MARK1: variants seen among roughly 807,000 people sequenced by gnomAD.
The protein encoded by MARK1 is microtubule affinity regulating kinase 1, also known as serine/threonine-protein kinase MARK1.
Under a neutral mutation model 96.3 loss-of-function variants are expected in MARK1, and 40 were observed. The observed-to-expected ratio is 0.42, with a 90% CI of 0.32 to 0.54. The LOEUF (loss-of-function observed/expected upper bound fraction) is 0.54. Among genes scored for constraint, MARK1 ranks in the 20% least tolerant of loss-of-function variants. The pLI is 0.16. For synonymous variants in MARK1, 317 were observed against 341.2 expected, an observed-to-expected ratio of 0.93 and a Z score of 0.78; for missense variants, 719 against 984.6, an observed-to-expected ratio of 0.73 and a Z score of 3.61.
chr1:220,577,242 G>C (rs112786545), intron 1 of MARK1, among the ~76,000 whole-genome samples: 5 of 151,624 alleles, frequency 3.3e-5, no homozygotes, highest in African/African-American at 1.2e-4. Context: ...ACTCCAGCCT[G>C]GGTGACAGAT....
intron 1 of MARK1, among the ~76,000 whole-genome samples, chr1:220,542,222 T>C (rs553584101): frequency 9.8e-5 from 15 of 152,364 alleles, no homozygotes; most frequent in African/African-American, 3.4e-4. Context: ...TATTTTATGA[T>C]TTCATCTTCA....
rs2102675180 is a variant in MARK1, at chr1:220,528,623, G to A, written c.-200G>A. On this transcript the variant is annotated 5_prime_UTR_variant, in exon 1 of 18. Transcript: ENST00000366917. ...GCATACCCCGGCGGCGCCGCCGCGGGAAGCGGCTCCCCCTCCTCTTCCTCC... is the reference window on the plus strand; with the variant it reads ...GCATACCCCGGCGGCGCCGCCGCGGAAAGCGGCTCCCCCTCCTCTTCCTCC... 2.0e-6 allele frequency: 1 copy of A among 494,546 alleles called. No individual in the cohort carries two copies. Among genetic ancestry groups the A allele is most frequent in the African/African-American group, 2.1e-5 (1 of 48,746 alleles). 30.6% of individuals were successfully genotyped at this position (494,546 alleles called of 1,614,324 possible).
rs73101848 is a variant in MARK1 at position 220,529,333 on chromosome 1, C to T, written c.51+460C>T. 3.7e-3 allele frequency among the ~76,000 whole-genome samples: 567 copies of T among 152,310 alleles called. 5 individuals are homozygous for T. Among genetic ancestry groups the T allele is most frequent in the African/African-American group, 0.013 (536 of 41,566 alleles). On this transcript the variant is annotated intron_variant, in intron 1 of 17. Transcript: ENST00000366917. Reference sequence around the variant, plus strand: ...CTCCCCTCCTCCCCCCGCATTGCCCCATGACTTTGCTTTTTGTAACATTGT... The same window carrying T: ...CTCCCCTCCTCCCCCCGCATTGCCCTATGACTTTGCTTTTTGTAACATTGT...
intron 1 of MARK1, among the ~76,000 whole-genome samples, chr1:220,576,976 T>C (rs1311933082): frequency 6.6e-6 from 1 of 152,112 alleles, no homozygotes; most frequent in Admixed American, 6.6e-5. Context: ...GAAAGATGAA[T>C]GGCCAGATGC....
intron 16 of MARK1, 111 bp downstream of exon 16, chr1:220,653,463 A>G (rs1216911996): frequency 8.8e-7 from 1 of 1,139,742 alleles, no homozygotes; most frequent in African/African-American, 1.6e-5. Flanking sequence ...ATAACATTTC[A>G]TTAGAGCTGC....
At chr1:220,554,467 A>G (rs555029667) in intron 1 of MARK1, among the ~76,000 whole-genome samples, 20 of 152,290 alleles carry the variant, frequency 1.3e-4, no homozygotes, top group African/African-American at 4.6e-4. Context: ...ACTTCTTATA[A>G]TGTGTAGGAT....
At chr1:220,573,480 C>T (rs9431262) in intron 1 of MARK1, among the ~76,000 whole-genome samples, 28,161 of 151,964 alleles carry the variant, frequency 0.19, 3,318 homozygotes, top group East Asian at 0.36. Context: ...CCCGCCACCA[C>T]GCCTGGCTAA....
chr1:220,558,449 C>T (rs1049836691), intron 1 of MARK1, among the ~76,000 whole-genome samples: 3 of 151,300 alleles, frequency 2.0e-5, no homozygotes, highest in African/African-American at 7.3e-5. Context: ...AAAATAGTTT[C>T]TCAGCTTGTG....
chr1:220,605,973 A>C (rs887439701), intron 6 of MARK1, among the ~76,000 whole-genome samples: 29 of 152,180 alleles, frequency 1.9e-4, no homozygotes, highest in Non-Finnish European at 4.0e-4. Context: ...CACAATAAAC[A>C]TATGTGTGCA....
chr1:220,612,809 A>G (rs1378931431), intron 6 of MARK1, among the ~76,000 whole-genome samples: 1 of 152,190 alleles, frequency 6.6e-6, no homozygotes, highest in Non-Finnish European at 1.5e-5. Flanking sequence ...ATAAATGTAT[A>G]TACATCCTTG....
At chr1:220,607,537 C>T (rs1481580876) in intron 6 of MARK1, among the ~76,000 whole-genome samples, 1 of 151,844 alleles carries the variant, frequency 6.6e-6, no homozygotes, top group African/African-American at 2.4e-5. Flanking sequence ...CCTGATTGCC[C>T]TGGCCAGAAC....
intron 9 of MARK1, among the ~76,000 whole-genome samples, chr1:220,629,644 A>G (rs1384918987): frequency 6.6e-6 from 1 of 152,138 alleles, no homozygotes; most frequent in Non-Finnish European, 1.5e-5. Context: ...CCATTCTATT[A>G]TACTTTATGT....
In MARK1 at chr1:220,662,233, G is replaced by A; in HGVS notation, c.*67G>A. Reference sequence around the variant, plus strand: ...ATGAGGTACAGTTTTTGAATGTACTGGTAATGCCTAATGTGGTCTGCCTGT... The same window carrying A: ...ATGAGGTACAGTTTTTGAATGTACTAGTAATGCCTAATGTGGTCTGCCTGT... On this transcript the variant is annotated 3_prime_UTR_variant, in exon 18 of 18. Coordinates refer to ENST00000366917, the MANE Select transcript of MARK1 (RefSeq NM_018650.5). The A allele has an allele frequency of 8.3e-7, 1 of 1,206,512 alleles. No individual in the cohort carries two copies. Among genetic ancestry groups the A allele is most frequent in the South Asian group, 1.4e-5 (1 of 71,506 alleles). The allele number at this position is 1,206,512 out of a possible 1,614,324, so 74.7% of individuals were successfully genotyped here.
At chr1:220,539,918 T>C (rs1661016807) in intron 1 of MARK1, among the ~76,000 whole-genome samples, 1 of 152,146 alleles carries the variant, frequency 6.6e-6, no homozygotes, top group Admixed American at 6.5e-5. Context: ...TCTCTTCTCT[T>C]CTTTTTGGGG....
chr1:220,579,458 T>C lies in MARK1; in HGVS notation c.156T>C (p.Asp52=), dbSNP rs776519262. 1.9e-6 allele frequency: 3 copies of C among 1,613,842 alleles called. No individual in the cohort carries two copies. The highest frequency in any genetic ancestry group is 2.5e-6 in the Non-Finnish European group (3 of 1,179,950). The change falls in exon 2 of 18, where the codon GAT becomes GAC. Residue 52 remains aspartate, a synonymous_variant. Coordinates refer to ENST00000366917, the MANE Select transcript of MARK1 (RefSeq NM_018650.5). ...RCRNSITSAT[D]EQPHIGNYRL... The stretch of plus-strand genomic sequence containing the variant: ...GAAACTCCATTACGTCAGCAACAGA[T>C]GAACAGCCTCACATTGGAAATTACC...
At chr1:220,626,505 GTTAGGTTGCTT>G in intron 9 of MARK1, 1 of 527,806 alleles carries the variant, frequency 1.9e-6, no homozygotes, top group Non-Finnish European at 3.8e-6. Context: ...CTGGGGACTG[GTTAGGTTGCTT>G]CAATCTGATC....
intron 4 of MARK1, among the ~76,000 whole-genome samples, chr1:220,598,777 C>T (rs1220294002): frequency 2.0e-5 from 3 of 151,658 alleles, no homozygotes; most frequent in South Asian, 2.1e-4. Context: ...GTGGATTGCC[C>T]GAGTTCAGGA....
intron 1 of MARK1, among the ~76,000 whole-genome samples, chr1:220,539,016 ACGGAC>A (rs1660931165): frequency 6.6e-6 from 1 of 152,104 alleles, no homozygotes; most frequent in South Asian, 2.1e-4. Context: ...ATCTGCAAAC[ACGGAC>A]AATTTGACTT....
chr1:220,528,668 C>A lies in MARK1; in HGVS notation c.-155C>A. On this transcript the variant is annotated 5_prime_UTR_variant, in exon 1 of 18. Coordinates refer to ENST00000366917, the MANE Select transcript of MARK1 (RefSeq NM_018650.5). ...TCCTCCGCGTCCTCTTCCCTCTTTC[C>A]CCCGCCGGGGCCGCTTGTTGCACCG... 1 of 576,746 alleles carries A rather than the reference C, an allele frequency of 1.7e-6. No homozygotes were observed. The highest frequency in any genetic ancestry group is 2.7e-5 in the South Asian group (1 of 37,246). The allele number at this position is 576,746 out of a possible 1,614,324, so 35.7% of individuals were successfully genotyped here. A position where few individuals can be genotyped will look rare whatever the true frequency, so the allele number is the denominator to read the frequency against.
Sources: allele counts gnomAD v4.1 joint callset (sites outside exome capture counted in the v4.1 genomes callset), GRCh38; gene constraint gnomAD v4.1.1; transcripts MANE v1.5; gene names NCBI Gene and HGNC (gene_info 2026-07-23, HGNC 2026-07-21).